Variants in SGCD observed in about 807,000 individuals in gnomAD.
The protein encoded by SGCD is sarcoglycan delta, also known as delta-sarcoglycan.
Under a neutral mutation model 36.6 loss-of-function variants are expected in SGCD, and 18 were observed. The ratio of observed to expected loss-of-function variants is 0.49; its 90% CI spans 0.34 to 0.73. The LOEUF is 0.73. SGCD is among the 30% of genes least tolerant of loss of function. The pLI is 0.01. For missense variants in SGCD, 387 were observed against 346.7 expected, an observed-to-expected ratio of 1.12 and a Z score of -0.92; for synonymous variants, 133 against 130.6, an observed-to-expected ratio of 1.02 and a Z score of -0.12.
At chr5:156,627,322 G>A (rs2113520201) in intron 6 of SGCD, among the ~76,000 whole-genome samples, 1 of 152,158 alleles carries the variant, frequency 6.6e-6, no homozygotes, top group East Asian at 1.9e-4. Context: ...TTGGGCCTTG[G>A]GGTAGGGTTT....
the SGCD span, among the ~76,000 whole-genome samples, chr5:155,789,259 A>G: frequency 1.3e-5 from 2 of 152,074 alleles, no homozygotes; most frequent in East Asian, 3.9e-4. Context: ...GCAATAGCAA[A>G]ATAAAATATC....
chr5:156,170,285 T>G (rs1353851562), intron 3 of SGCD, among the ~76,000 whole-genome samples: 1 of 152,214 alleles, frequency 6.6e-6, no homozygotes, highest in Non-Finnish European at 1.5e-5. Context: ...CCAAGAATTT[T>G]TACCATTTTT....
At chr5:156,630,480 A>T (rs1352622880) in intron 6 of SGCD, among the ~76,000 whole-genome samples, 1 of 152,190 alleles carries the variant, frequency 6.6e-6, no homozygotes, top group Admixed American at 6.5e-5. Flanking sequence ...TGTGCCATGC[A>T]CTATTCTAAG....
At position 156,507,981 on chromosome 5, in the gene SGCD, CAAAG is replaced by C. The variant is rs374918221; in HGVS notation, c.193-617_193-614del. Reference sequence around the variant, plus strand: ...TAATGGGATTATTGTTATATTTAAACAAAGAAGGGGAGTGTAGGTGGCAGTAATA... The same window carrying C: ...TAATGGGATTATTGTTATATTTAAACAAGGGGAGTGTAGGTGGCAGTAATA... On this transcript the variant is annotated intron_variant, in intron 3 of 8. Coordinates refer to ENST00000337851, the MANE Select transcript of SGCD (RefSeq NM_000337.6). 3.4e-3 allele frequency among the ~76,000 whole-genome samples: 523 copies of C among 152,184 alleles called. 1 individual carries two copies. The highest frequency in any genetic ancestry group is 0.012 in the African/African-American group (492 of 41,502).
At chr5:156,382,528 G>T (rs537122900) in intron 3 of SGCD, among the ~76,000 whole-genome samples, 1 of 152,274 alleles carries the variant, frequency 6.6e-6, no homozygotes, top group African/African-American at 2.4e-5. Context: ...TACAAATTCC[G>T]ATAGTTATTC....
chr5:156,163,642 C>T (rs987006144), intron 3 of SGCD, among the ~76,000 whole-genome samples: 1 of 151,542 alleles, frequency 6.6e-6, no homozygotes, highest in Non-Finnish European at 1.5e-5. Context: ...TACCTCAAAG[C>T]TATGACCAGG....
chr5:155,782,037 T>C, the SGCD span, among the ~76,000 whole-genome samples: 1 of 151,074 alleles, frequency 6.6e-6, no homozygotes, highest in Non-Finnish European at 1.5e-5. Context: ...TTTTTTTTTT[T>C]TTTTTTGAGA....
chr5:156,757,682 G>A lies in SGCD; in HGVS notation c.677G>A (p.Arg226Lys), dbSNP rs1475448606. 1.9e-6 allele frequency: 3 copies of A among 1,607,306 alleles called. No individual in the cohort carries two copies. Among genetic ancestry groups the A allele is most frequent in the Admixed American group, 1.7e-5 (1 of 58,894 alleles). Residue 226 changes from arginine (R) to lysine (K), a missense_variant, in exon 8 of 9, where the codon AGA becomes AAA. Arg to Lys is a conservative substitution (Grantham distance 26, BLOSUM62 2). Coordinates refer to ENST00000337851, the MANE Select transcript of SGCD (RefSeq NM_000337.6). ...GAAGCCACCTGCAGGACAGAGCTGA[G>A]ACTGGAATCCAAAGATGGAGAGGTG... ...NMEATCRTELRLESKDGEIKL... is the reference protein window; with the variant it reads ...NMEATCRTELKLESKDGEIKL...
intron 3 of SGCD, among the ~76,000 whole-genome samples, chr5:156,308,298 TA>T (rs1299393375): frequency 1.1e-5 from 1 of 93,414 alleles, no homozygotes; most frequent in Non-Finnish European, 1.9e-5. Flanking sequence ...GGAAGTGCCA[TA>T]CTTTTTTTTT....
rs539302778 is a variant in SGCD, at chr5:156,531,883, C to G, written c.294+23181C>G. Reference sequence around the variant, plus strand: ...CAGCACTTTGGGAGGCTGAGGTGGGCAGATCACCTGAGGTTAAGAGTTCGA... The same window carrying G: ...CAGCACTTTGGGAGGCTGAGGTGGGGAGATCACCTGAGGTTAAGAGTTCGA... On this transcript the variant is annotated intron_variant, in intron 4 of 8. Coordinates refer to ENST00000337851, the MANE Select transcript of SGCD (RefSeq NM_000337.6). Among the ~76,000 whole-genome samples, 8 of 152,024 alleles carry G rather than the reference C, an allele frequency of 5.3e-5. No individual in the cohort carries two copies. In the East Asian group the frequency reaches 1.2e-3, roughly 22 times the overall value.
intron 3 of SGCD, among the ~76,000 whole-genome samples, chr5:156,145,572 A>C (rs1367047564): frequency 6.6e-6 from 1 of 152,176 alleles, no homozygotes; most frequent in Non-Finnish European, 1.5e-5. Flanking sequence ...TTATGAAATA[A>C]TTATTTTAAT....
At chr5:156,048,783 A>G (rs1010909388) in intron 1 of SGCD, among the ~76,000 whole-genome samples, 2 of 151,758 alleles carry the variant, frequency 1.3e-5, no homozygotes, top group African/African-American at 4.8e-5. Context: ...TTGCCTGTTC[A>G]CTCTGATGGT....
chr5:155,756,785 G>T, the SGCD span, among the ~76,000 whole-genome samples: 1 of 152,256 alleles, frequency 6.6e-6, no homozygotes. Context: ...TCCAAGGAAT[G>T]ACAATCACCT....
intron 6 of SGCD, among the ~76,000 whole-genome samples, chr5:156,607,259 T>C (rs1761512259): frequency 6.6e-6 from 1 of 152,140 alleles, no homozygotes; most frequent in Non-Finnish European, 1.5e-5. Flanking sequence ...GCATGAAGCA[T>C]TGTTGAATTT....
At chr5:155,868,126 A>G (rs1193345337), upstream of SGCD, among the ~76,000 whole-genome samples, 2 of 151,552 alleles carry the variant, frequency 1.3e-5, no homozygotes, top group Non-Finnish European at 2.9e-5. Flanking sequence ...ATCATGACTC[A>G]CTACAACCTC....
intron 3 of SGCD, among the ~76,000 whole-genome samples, chr5:156,408,547 C>T (rs984522288): frequency 6.6e-5 from 10 of 152,102 alleles, no homozygotes; most frequent in East Asian, 3.9e-4. Flanking sequence ...TTAGTAGAGA[C>T]GGGATTTCAC....
intron 1 of SGCD, among the ~76,000 whole-genome samples, chr5:156,007,265 A>G (rs1307202680): frequency 1.3e-5 from 2 of 152,246 alleles, no homozygotes; most frequent in Middle Eastern, 3.4e-3. Flanking sequence ...TGTATTGAGG[A>G]TAACTCCATT....
At chr5:155,851,187 A>G in the SGCD span, among the ~76,000 whole-genome samples, 1,454 of 152,286 alleles carry the variant, frequency 9.5e-3, 24 homozygotes, top group African/African-American at 0.033. Context: ...CAAATCTGAC[A>G]TGAATATGGC....
At chr5:156,370,113 C>T (rs1770303045) in intron 3 of SGCD, among the ~76,000 whole-genome samples, 1 of 152,150 alleles carries the variant, frequency 6.6e-6, no homozygotes, top group Non-Finnish European at 1.5e-5. Context: ...CAGATATCAG[C>T]ATCCAAGTTT....
Sources: allele counts gnomAD v4.1 joint callset (sites outside exome capture counted in the v4.1 genomes callset), GRCh38; gene constraint gnomAD v4.1.1; transcripts MANE v1.5; gene names NCBI Gene and HGNC (gene_info 2026-07-23, HGNC 2026-07-21).